The following COBLL1 variants were observed in gnomAD, a reference collection of about 807,000 sequenced individuals.
COBLL1 encodes cordon-bleu WH2 repeat protein like 1, also known as cordon-bleu protein-like 1.
In COBLL1, 50 loss-of-function variants were observed where a neutral mutation model predicts 94.8. The ratio of observed to expected loss-of-function variants is 0.53; its 90% CI spans 0.42 to 0.67. The LOEUF is 0.67. Ranked by LOEUF, COBLL1 falls within the 30% of genes least tolerant of loss-of-function variation. The probability of loss-of-function intolerance (pLI) is 0.00; values close to 1 mark genes in which losing one functional copy is unlikely to be tolerated. For missense variants in COBLL1, 1,362 were observed against 1,348.7 expected (o/e 1.01, Z -0.15); for synonymous variants, 448 against 473.8 (o/e 0.95, Z 0.71).
At chr2:164,713,747 G>A (rs2105477893) in intron 7 of COBLL1, among the ~76,000 whole-genome samples, 1 of 152,238 alleles carries the variant, frequency 6.6e-6, no homozygotes, top group Non-Finnish European at 1.5e-5. Flanking sequence ...TTGTGTTACA[G>A]TCAGGAGTTT....
chr2:164,738,643 A>T (rs1033251674), intron 3 of COBLL1, among the ~76,000 whole-genome samples: 1 of 152,236 alleles, frequency 6.6e-6, no homozygotes, highest in East Asian at 1.9e-4. Context: ...GATTATATAC[A>T]TGATACACAG....
intron 7 of COBLL1, 82 bp from the exon 8 acceptor site, chr2:164,705,187 G>T: frequency 9.1e-7 from 1 of 1,097,820 alleles, no homozygotes; most frequent in Non-Finnish European, 1.2e-6. Flanking sequence ...TTTACGTCAA[G>T]CACAGGATAT....
chr2:164,713,138 C>T (rs1181901716), intron 7 of COBLL1, among the ~76,000 whole-genome samples: 2 of 152,134 alleles, frequency 1.3e-5, no homozygotes, highest in African/African-American at 4.8e-5. Context: ...CTCCACACTC[C>T]TGAAAATCTA....
At chr2:164,721,567 C>T (rs1461587073) in intron 7 of COBLL1, among the ~76,000 whole-genome samples, 1 of 152,100 alleles carries the variant, frequency 6.6e-6, no homozygotes, top group Admixed American at 6.6e-5. Flanking sequence ...TAAAAAGGCT[C>T]ATTTTCTTTT....
intron 2 of COBLL1, among the ~76,000 whole-genome samples, chr2:164,744,591 G>A (rs533714172): frequency 6.6e-6 from 1 of 152,110 alleles, no homozygotes; most frequent in Admixed American, 6.6e-5. Flanking sequence ...GCAGACAGGT[G>A]GGGGGATCCA....
chr2:164,794,756 C>G (rs1300200868), intron 2 of COBLL1, among the ~76,000 whole-genome samples: 4 of 151,910 alleles, frequency 2.6e-5, no homozygotes, highest in Non-Finnish European at 5.9e-5. Flanking sequence ...AATTTCAACC[C>G]CCTCATGAAG....
downstream of COBLL1, among the ~76,000 whole-genome samples, chr2:164,678,556 C>T (rs1441777580): frequency 1.3e-5 from 2 of 152,070 alleles, no homozygotes; most frequent in Non-Finnish European, 2.9e-5. Flanking sequence ...AATCCTTAAA[C>T]ATAATACAAA....
intron 5 of COBLL1, among the ~76,000 whole-genome samples, chr2:164,726,256 C>T (rs868385265): frequency 5.3e-5 from 8 of 152,068 alleles, no homozygotes; most frequent in Admixed American, 1.3e-4. Flanking sequence ...GAAAGAACCA[C>T]AGAGACCACT....
At chr2:164,697,154 T>C (rs542752644) in intron 11 of COBLL1, 20 of 152,312 alleles carry the variant, frequency 1.3e-4, no homozygotes, top group African/African-American at 4.8e-4. Flanking sequence ...TTTTAAACTC[T>C]GCCTGATTGC....
intron 7 of COBLL1, among the ~76,000 whole-genome samples, chr2:164,719,551 C>T (rs745960378): frequency 1.3e-5 from 2 of 152,164 alleles, no homozygotes; most frequent in East Asian, 1.9e-4. Context: ...GGTAATGGTT[C>T]GCTGTGGCAG....
At chr2:164,742,131 G>A (rs1686629582) in intron 3 of COBLL1, among the ~76,000 whole-genome samples, 1 of 151,950 alleles carries the variant, frequency 6.6e-6, no homozygotes, top group Non-Finnish European at 1.5e-5. Context: ...AACTATGACG[G>A]GTGACAGGAC....
At chr2:164,660,926 GT>G (rs1691060143) in intron 2 of COBLL1, among the ~76,000 whole-genome samples, 1 of 152,098 alleles carries the variant, frequency 6.6e-6, no homozygotes, top group African/African-American at 2.4e-5. Flanking sequence ...GGATTTTATA[GT>G]TATAGAGACT....
upstream of COBLL1, chr2:164,841,908 G>C (rs1009745943): frequency 1.4e-6 from 2 of 1,416,928 alleles, no homozygotes; most frequent in Non-Finnish European, 1.9e-6. The surrounding 1 kb of genome is among the most constrained non-coding windows in gnomAD (Gnocchi z 5.5). Flanking sequence ...CGGGGTGCGG[G>C]CGCTGGCTGG....
At chr2:164,784,334 T>C (rs756849526) in intron 2 of COBLL1, among the ~76,000 whole-genome samples, 7 of 152,076 alleles carry the variant, frequency 4.6e-5, no homozygotes, top group Non-Finnish European at 8.8e-5. Context: ...TAATCCTAGG[T>C]CGTTTTATTA....
At chr2:164,761,685 C>T (rs1291002498) in intron 2 of COBLL1, among the ~76,000 whole-genome samples, 1 of 152,056 alleles carries the variant, frequency 6.6e-6, no homozygotes, top group Non-Finnish European at 1.5e-5. Flanking sequence ...AAATAAGCAT[C>T]GAGGCACTTG....
rs1322211573 is a variant in COBLL1 at position 164,716,945 on chromosome 2, A to G, written c.996+5130T>C. 2.0e-5 allele frequency among the ~76,000 whole-genome samples: 3 copies of G among 152,204 alleles called. No individual in the cohort carries two copies. The East Asian group carries it at 5.8e-4, about 29-fold the overall frequency. On this transcript the variant is annotated intron_variant, in intron 7 of 13. Coordinates refer to ENST00000652658, the MANE Select transcript of COBLL1 (RefSeq NM_001365672.2). ...TTACTGACATCAGTAAACCTTGACTAAGGCAAACATAGTTTCTGTGGCTCT... is the reference window on the plus strand; with the variant it reads ...TTACTGACATCAGTAAACCTTGACTGAGGCAAACATAGTTTCTGTGGCTCT...
chr2:164,818,245 CAT>C (rs1684895468), intron 2 of COBLL1, among the ~76,000 whole-genome samples: 1 of 147,010 alleles, frequency 6.8e-6, no homozygotes, highest in African/African-American at 2.6e-5. Context: ...TGTATGTATA[CAT>C]GTGCATATAC....
At chr2:164,804,578 A>G (rs1279434908) in intron 2 of COBLL1, among the ~76,000 whole-genome samples, 2 of 152,196 alleles carry the variant, frequency 1.3e-5, no homozygotes, top group Admixed American at 6.5e-5. Flanking sequence ...ATCGTTTCTT[A>G]TAACGTGGCT....
chr2:164,722,194 T>C lies in COBLL1; in HGVS notation c.877A>G (p.Arg293Gly). ...NTLPSDAPKK[R>G]RAPLPPMPAS... The stretch of plus-strand genomic sequence containing the variant: ...GGCATCGGGGGCAGTGGAGCCCGCC[T>C]CTTCTTGGGTGCATCCGACGGCAGG... Residue 293 changes from arginine (R) to glycine (G), a missense_variant, in exon 7 of 14, where the codon AGG (arginine) becomes GGG (glycine). Arg to Gly is a moderately radical substitution (Grantham distance 125). Transcript: ENST00000652658. 2 of 1,614,082 alleles carry C rather than the reference T, an allele frequency of 1.2e-6. No homozygotes were observed. Among genetic ancestry groups the C allele is most frequent in the South Asian group, 2.2e-5 (2 of 91,080 alleles).
Sources: allele counts gnomAD v4.1 joint callset (sites outside exome capture counted in the v4.1 genomes callset), GRCh38; gene constraint gnomAD v4.1.1; non-coding constraint Gnocchi (gnomAD v3.1); transcripts MANE v1.5; gene names NCBI Gene and HGNC (gene_info 2026-07-23, HGNC 2026-07-21).